SLC3A2: variants seen among roughly 807,000 people sequenced by gnomAD.
SLC3A2 encodes the protein solute carrier family 3 member 2.
A neutral mutation model predicts 48.5 loss-of-function variants in SLC3A2; 32 were observed. That is an observed-to-expected ratio of 0.66 (90% confidence interval 0.50 to 0.89). The LOEUF (loss-of-function observed/expected upper bound fraction) is 0.89. Ranked by LOEUF, SLC3A2 falls within the 40% of genes least tolerant of loss-of-function variation. The pLI is 0.00. For synonymous variants in SLC3A2, 277 were observed against 288.8 expected (o/e 0.96, Z 0.41); for missense variants, 587 against 680.7 (o/e 0.86, Z 1.53).
chr11:62,884,694 G>A lies in SLC3A2; in HGVS notation c.818+4G>A. On this transcript the variant is annotated splice_donor_region_variant and intron_variant, in intron 5 of 8. Transcript: ENST00000338663. ...CCAAGGGCTTCAGTGAAGACAGGTGGGTGCAGGAGCCATTCTGCTGACTCA... is the reference window on the plus strand; with the variant it reads ...CCAAGGGCTTCAGTGAAGACAGGTGAGTGCAGGAGCCATTCTGCTGACTCA... The A allele has an allele frequency of 6.3e-7, 1 of 1,593,126 alleles. No individual in the cohort carries two copies. The highest frequency in any genetic ancestry group is 8.6e-7 in the Non-Finnish European group (1 of 1,167,360).
chr11:62,874,772 C>CTT (rs1013312543), intron 1 of SLC3A2, among the ~76,000 whole-genome samples: 7 of 142,892 alleles, frequency 4.9e-5, no homozygotes, highest in Non-Finnish European at 7.7e-5. Flanking sequence ...TTTTCTTTTT[C>CTT]TTTTTTTTTT....
chr11:62,882,364 G>A (rs539545729), intron 2 of SLC3A2: 2 of 242,480 alleles, frequency 8.2e-6, no homozygotes, highest in Non-Finnish European at 1.5e-5. Context: ...GGTTTTTTTG[G>A]GGGGGGGGAA....
At chr11:62,866,237 C>T (rs1255676718) in intron 1 of SLC3A2, among the ~76,000 whole-genome samples, 4 of 151,698 alleles carry the variant, frequency 2.6e-5, no homozygotes, top group African/African-American at 4.8e-5. Flanking sequence ...TCTGCCTCGG[C>T]CTCCCAAGTA....
chr11:62,870,858 T>TAATA (rs757295460), intron 1 of SLC3A2: 184 of 133,840 alleles, frequency 1.4e-3, no homozygotes, highest in Middle Eastern at 2.9e-3. Flanking sequence ...TAATAATAAT[T>TAATA]ATTATTATTA....
rs190526774 is a variant in SLC3A2 at position 62,873,664 on chromosome 11, G to C, written c.113-7355G>C. The stretch of plus-strand genomic sequence containing the variant: ...ATCAAACTTTTTTTTATAGAGACAC[G>C]GGGTCTTGCTACGTGGCCCTGTCTG... On this transcript the variant is annotated intron_variant, in intron 1 of 9. Coordinates refer to the SLC3A2 transcript ENST00000377889. 5.9e-5 allele frequency among the ~76,000 whole-genome samples: 9 copies of C among 152,106 alleles called. No homozygotes were observed. In the East Asian group the frequency reaches 1.7e-3, roughly 29 times the overall value.
At chr11:62,865,336 T>C (rs1405285781) in intron 1 of SLC3A2, among the ~76,000 whole-genome samples, 2 of 152,124 alleles carry the variant, frequency 1.3e-5, no homozygotes, top group African/African-American at 4.8e-5. Context: ...TCAGATCACT[T>C]GAGGTCAGGA....
At chr11:62,856,427 G>A (rs1392003672) in intron 1 of SLC3A2, 4 of 1,505,828 alleles carry the variant, frequency 2.7e-6, no homozygotes, top group African/African-American at 2.8e-5. Context: ...CCTTTGGTGG[G>A]GCCATTTCGG....
At chr11:62,861,910 CAAAA>C (rs1189861840) in intron 1 of SLC3A2, among the ~76,000 whole-genome samples, 1 of 59,162 alleles carries the variant, frequency 1.7e-5, no homozygotes. Flanking sequence ...AAACCTCTCT[CAAAA>C]AAAAAAAAAA....
rs780448539 is a variant in SLC3A2, at chr11:62,881,759, G to T, written c.425-134G>T. The T allele has an allele frequency of 2.2e-5, 23 of 1,036,028 alleles. No homozygotes were observed. The highest frequency in any genetic ancestry group is 1.1e-4 in the African/African-American group (7 of 62,362). The allele number at this position is 1,036,028 out of a possible 1,614,324, so 64.2% of individuals were successfully genotyped here. A position where few individuals can be genotyped will look rare whatever the true frequency, so the allele number is the denominator to read the frequency against. ...CCTTACATCAGCTCCTCTGAGTCTCGTGATTCAGCCTTGCCTCCCTCTCTC... is the reference window on the plus strand; with the variant it reads ...CCTTACATCAGCTCCTCTGAGTCTCTTGATTCAGCCTTGCCTCCCTCTCTC... On this transcript the variant is annotated intron_variant, in intron 1 of 8. Coordinates refer to ENST00000338663, the MANE Select transcript of SLC3A2 (RefSeq NM_001013251.3). The surrounding 1 kb of genome is among the most constrained non-coding windows in gnomAD (Gnocchi z 4.0).
intron 1 of SLC3A2, among the ~76,000 whole-genome samples, chr11:62,862,978 G>A (rs1388107143): frequency 1.3e-5 from 2 of 152,180 alleles, no homozygotes; most frequent in Non-Finnish European, 2.9e-5. Context: ...CTGGAGTGCA[G>A]TGGCGTGATC....
chr11:62,862,632 C>A (rs1304118120), intron 1 of SLC3A2, among the ~76,000 whole-genome samples: 1 of 152,120 alleles, frequency 6.6e-6, no homozygotes, highest in Non-Finnish European at 1.5e-5. Flanking sequence ...GAATACAATT[C>A]ACAAATAGGA....
At chr11:62,875,384 A>C (rs1261915811) in intron 1 of SLC3A2, among the ~76,000 whole-genome samples, 2 of 152,138 alleles carry the variant, frequency 1.3e-5, no homozygotes, top group Non-Finnish European at 2.9e-5. Context: ...GTCTCTACTA[A>C]AAATACACAA....
intron 1 of SLC3A2, among the ~76,000 whole-genome samples, chr11:62,865,334 C>T (rs1057317295): frequency 6.6e-6 from 1 of 152,128 alleles, no homozygotes; most frequent in African/African-American, 2.4e-5. Flanking sequence ...AGTCAGATCA[C>T]TTGAGGTCAG....
At chr11:62,858,524 G>T (rs2085362842) in intron 1 of SLC3A2, among the ~76,000 whole-genome samples, 1 of 152,150 alleles carries the variant, frequency 6.6e-6, no homozygotes, top group African/African-American at 2.4e-5. Flanking sequence ...AGAGTGAAGG[G>T]GTGGGTTGCC....
upstream of SLC3A2, among the ~76,000 whole-genome samples, chr11:62,878,116 G>A (rs560399820): frequency 6.0e-5 from 9 of 151,116 alleles, no homozygotes; most frequent in South Asian, 4.2e-4. Context: ...CTGAGATCGC[G>A]CCACTGCACT....
upstream of SLC3A2, among the ~76,000 whole-genome samples, chr11:62,878,165 A>AAAAAAAC (rs1299228245): frequency 1.3e-4 from 20 of 152,058 alleles, no homozygotes; most frequent in East Asian, 1.2e-3. Context: ...TCTCAAAAAA[A>AAAAAAAC]AAAAAACAAA....
intron 1 of SLC3A2, among the ~76,000 whole-genome samples, chr11:62,872,000 C>G (rs1290132686): frequency 6.6e-6 from 1 of 152,148 alleles, no homozygotes; most frequent in African/African-American, 2.4e-5. Context: ...GCAACCTCCG[C>G]CTCCTGGGTT....
chr11:62,872,694 C>G (rs1590626026), intron 1 of SLC3A2, among the ~76,000 whole-genome samples: 1 of 152,328 alleles, frequency 6.6e-6, no homozygotes, highest in African/African-American at 2.4e-5. Context: ...CCTCTGCCTC[C>G]CCGGTTCAAG....
chr11:62,872,106 G>A (rs1250204727), intron 1 of SLC3A2, among the ~76,000 whole-genome samples: 3 of 152,068 alleles, frequency 2.0e-5, no homozygotes, highest in Admixed American at 6.6e-5. Flanking sequence ...TAGTAGAGAC[G>A]GGGTTTCACC....
Sources: gnomAD v4.1 joint callset for allele counts (sites outside exome capture counted in the v4.1 genomes callset) on GRCh38, gnomAD v4.1.1 for gene constraint, Gnocchi (gnomAD v3.1) non-coding constraint, MANE v1.5 for transcripts, NCBI Gene and HGNC (gene_info 2026-07-23, HGNC 2026-07-21) for gene names.